The following TUBGCP4 variants were observed in gnomAD, a reference collection of about 807,000 sequenced individuals.
The protein encoded by TUBGCP4 is gamma-tubulin complex component 4.
In TUBGCP4, 54 loss-of-function variants were observed where a neutral mutation model predicts 91.6. The observed-to-expected ratio is 0.59, with a 90% confidence interval of 0.47 to 0.74. TUBGCP4 has a LOEUF of 0.74. Among genes scored for constraint, TUBGCP4 ranks in the 30% least tolerant of loss-of-function variants. The pLI is 0.00. For missense variants in TUBGCP4, 593 were observed against 800.9 expected (o/e 0.74, Z 3.13); for synonymous variants, 297 against 302.8 (o/e 0.98, Z 0.20).
intron 9 of TUBGCP4, among the ~76,000 whole-genome samples, chr15:43,388,966 C>G (rs1020055693): frequency 6.6e-6 from 1 of 152,114 alleles, no homozygotes; most frequent in Non-Finnish European, 1.5e-5. Flanking sequence ...AGTTCAAAAA[C>G]AGGCAAAGTG....
At chr15:43,373,903 C>T (rs1328655566) in intron 1 of TUBGCP4, among the ~76,000 whole-genome samples, 1 of 152,198 alleles carries the variant, frequency 6.6e-6, no homozygotes, top group Non-Finnish European at 1.5e-5. Context: ...CCGCCCACCT[C>T]GGCCTCCCAA....
At chr15:43,375,215 C>G (rs930899657) in intron 1 of TUBGCP4, among the ~76,000 whole-genome samples, 1 of 152,206 alleles carries the variant, frequency 6.6e-6, no homozygotes, top group African/African-American at 2.4e-5. Flanking sequence ...AGTGATTCCA[C>G]TTATATGAGG....
chr15:43,408,097 G>GAGAC lies in TUBGCP4; in HGVS notation c.*2886_*2889dup. On this transcript the variant is annotated 3_prime_UTR_variant, in exon 18 of 18. Coordinates refer to ENST00000564079, the MANE Select transcript of TUBGCP4 (RefSeq NM_014444.5). Reference sequence around the variant, plus strand: ...GATTTTCACGGGGTTGCCTATGAAGGAGACAGGAAAGGACCTTAGCATGAC... The same window carrying GAGAC: ...GATTTTCACGGGGTTGCCTATGAAGGAGACAGACAGGAAAGGACCTTAGCATGAC... The GAGAC allele has an allele frequency of 4.3e-6, 7 of 1,613,418 alleles. No homozygotes were observed. Among genetic ancestry groups the GAGAC allele is most frequent in the Middle Eastern group, 1.6e-4 (1 of 6,062 alleles).
At chr15:43,400,335 G>A in intron 14 of TUBGCP4, 114 bp downstream of exon 14, 1 of 734,850 alleles carries the variant, frequency 1.4e-6, no homozygotes, top group Non-Finnish European at 2.1e-6. Context: ...TGGGGTTTGG[G>A]AAAATTCAGG....
chr15:43,389,467 C>T (rs1351968820), intron 9 of TUBGCP4, among the ~76,000 whole-genome samples: 1 of 152,064 alleles, frequency 6.6e-6, no homozygotes, highest in Non-Finnish European at 1.5e-5. Context: ...TCAGGTGGTC[C>T]TTCTGTGAGC....
intron 13 of TUBGCP4, among the ~76,000 whole-genome samples, chr15:43,398,852 C>T (rs1213725549): frequency 6.6e-6 from 1 of 152,180 alleles, no homozygotes; most frequent in African/African-American, 2.4e-5. Context: ...TCTGTCCCTC[C>T]CCCACTTTTT....
In TUBGCP4 at chr15:43,406,714, ATAT is replaced by A; in HGVS notation, c.*1502_*1504del. On this transcript the variant is annotated 3_prime_UTR_variant, in exon 18 of 18. Transcript: ENST00000564079. ...TATTGTGACAATAATAATAATAATA[ATAT>A]TGGGTCTTTGACTAGAACGTGTAAC... The A allele has an allele frequency of 2.4e-6, 1 of 422,656 alleles. No homozygotes were observed. Among genetic ancestry groups the A allele is most frequent in the Non-Finnish European group, 4.7e-6 (1 of 214,518 alleles). 26.2% of individuals were successfully genotyped at this position (422,656 alleles called of 1,614,324 possible).
intron 9 of TUBGCP4, among the ~76,000 whole-genome samples, chr15:43,393,603 C>A (rs145369785): frequency 3.3e-5 from 5 of 152,152 alleles, no homozygotes; most frequent in South Asian, 2.1e-4. Context: ...CCGGTCCCCC[C>A]ACCCTACAAC....
rs539623635 is a variant in TUBGCP4, at chr15:43,380,113, C to G, written c.471C>G (p.Val157=). ...ATGGTTGTCAAATCCTGGAAACAGT[C>G]TACAAACACAGCTGTGGGGGGTTGC... ...KIHGCQILET[V]YKHSCGGLPP... is the part of the protein sequence containing the mutation. Residue 157 remains valine, a synonymous_variant, in exon 6 of 18, where the codon GTC becomes GTG. Coordinates refer to ENST00000564079, the MANE Select transcript of TUBGCP4 (RefSeq NM_014444.5). 55 of 1,613,970 alleles carry G rather than the reference C, an allele frequency of 3.4e-5. No homozygotes were observed. The highest frequency in any genetic ancestry group is 4.6e-5 in the Non-Finnish European group (54 of 1,179,936).
intron 7 of TUBGCP4, among the ~76,000 whole-genome samples, chr15:43,385,165 A>G (rs1395801472): frequency 6.6e-6 from 1 of 152,218 alleles, no homozygotes; most frequent in Non-Finnish European, 1.5e-5. Context: ...CCTGGGGCTC[A>G]TGAGAGCACT....
At chr15:43,401,191 C>G (rs780731722) in intron 14 of TUBGCP4, among the ~76,000 whole-genome samples, 2 of 146,314 alleles carry the variant, frequency 1.4e-5, no homozygotes, top group African/African-American at 5.1e-5. Flanking sequence ...TGGCTCACAC[C>G]TGTAATCCCA....
In TUBGCP4 at chr15:43,405,432, ATC is replaced by A; in HGVS notation, c.*222_*223del. On this transcript the variant is annotated 3_prime_UTR_variant, in exon 18 of 18. Coordinates refer to ENST00000564079, the MANE Select transcript of TUBGCP4 (RefSeq NM_014444.5). ...TCTCCCATCAAGGAGAACATGTGGC[ATC>A]TCTGATCCTTTACATTGAGAACATT... is the stretch of plus-strand genomic sequence containing the variant. 1 of 600,796 alleles carries A rather than the reference ATC, an allele frequency of 1.7e-6. No homozygotes were observed. The highest frequency in any genetic ancestry group is 3.0e-6 in the Non-Finnish European group (1 of 337,636). The allele number at this position is 600,796 out of a possible 1,614,324, so 37.2% of individuals were successfully genotyped here.
At position 43,376,339 on chromosome 15, in the gene TUBGCP4, A is replaced by G. The variant is rs2044204688; in HGVS notation, c.207+113A>G. 6.2e-6 allele frequency: 10 copies of G among 1,600,362 alleles called. No homozygotes were observed. In the East Asian group the frequency reaches 2.2e-4, roughly 36 times the overall value. ...CTTTCAGTGAATTTATCGGTAATTC[A>G]TGTGAAATAAGTTATGGATTTCTCA... On this transcript the variant is annotated intron_variant, in intron 2 of 17. Coordinates refer to ENST00000564079, the MANE Select transcript of TUBGCP4 (RefSeq NM_014444.5).
rs570426819 is a variant in TUBGCP4 at position 43,374,914 on chromosome 15, T to C, written c.79-1184T>C. Among the ~76,000 whole-genome samples the C allele has an allele frequency of 8.5e-5, 13 of 152,338 alleles. No homozygotes were observed. The East Asian group carries it at 1.7e-3, about 20-fold the overall frequency. On this transcript the variant is annotated intron_variant, in intron 1 of 17. Coordinates refer to ENST00000564079, the MANE Select transcript of TUBGCP4 (RefSeq NM_014444.5). The stretch of plus-strand genomic sequence containing the variant: ...ACAAAAGGACAAATAATGATTCCAC[T>C]TTTTTTGAGACAGAGTCTCGCTCTG...
chr15:43,398,184 G>C lies in TUBGCP4; in HGVS notation c.1418+5G>C. 1 of 1,607,170 alleles carries C rather than the reference G, an allele frequency of 6.2e-7. No homozygotes were observed. The highest frequency in any genetic ancestry group is 8.5e-7 in the Non-Finnish European group (1 of 1,176,316). On this transcript the variant is annotated splice_donor_5th_base_variant and intron_variant, in intron 13 of 17. Transcript: ENST00000564079. ...CACCCCAGCTGTCCTGGAAAAGTGA[G>C]TATTTCTGAGTTTCTCACAGGTAAA... is the stretch of plus-strand genomic sequence containing the variant.
At chr15:43,377,977 A>G in intron 5 of TUBGCP4, 74 bp downstream of exon 5, 2 of 1,223,900 alleles carry the variant, frequency 1.6e-6, no homozygotes, top group South Asian at 2.8e-5. Flanking sequence ...GCTTTACATT[A>G]TTTTTCGAAG....
chr15:43,403,661 G>T (rs778494096), intron 15 of TUBGCP4, 22 bp from the exon 16 acceptor site: 2 of 1,562,668 alleles, frequency 1.3e-6, no homozygotes, highest in Non-Finnish European at 1.8e-6. Context: ...CTTTCCTAAT[G>T]CCAACTCTGT....
At position 43,371,276 on chromosome 15, in the gene TUBGCP4, A is replaced by G; in HGVS notation, c.-79A>G. Reference sequence around the variant, plus strand: ...GGGGCCGGTGCGCGTGTGGAAGGGGAAGCACTCCCCTCGTGGTCGCCTGGA... The same window carrying G: ...GGGGCCGGTGCGCGTGTGGAAGGGGGAGCACTCCCCTCGTGGTCGCCTGGA... On this transcript the variant is annotated 5_prime_UTR_variant, in exon 1 of 18. Coordinates refer to ENST00000564079, the MANE Select transcript of TUBGCP4 (RefSeq NM_014444.5). 7.0e-7 allele frequency: 1 copy of G among 1,437,866 alleles called. No individual in the cohort carries two copies. The highest frequency in any genetic ancestry group is 9.6e-7 in the Non-Finnish European group (1 of 1,037,238). 89.1% of individuals were successfully genotyped at this position (1,437,866 alleles called of 1,614,324 possible).
At chr15:43,377,334 G>A (rs574860403) in intron 4 of TUBGCP4, among the ~76,000 whole-genome samples, 3 of 152,088 alleles carry the variant, frequency 2.0e-5, no homozygotes, top group Non-Finnish European at 4.4e-5. Context: ...AATAGAAACT[G>A]CTTCCCGACT....
Sources: gnomAD v4.1 joint callset for allele counts (sites outside exome capture counted in the v4.1 genomes callset) on GRCh38, gnomAD v4.1.1 for gene constraint, MANE v1.5 for transcripts, NCBI Gene and HGNC (gene_info 2026-07-23, HGNC 2026-07-21) for gene names.